SLC49A4: variants seen among roughly 807,000 people sequenced by gnomAD.
SLC49A4 encodes the protein solute carrier family 49 member 4, also known as disrupted in renal cancer protein 2.
In SLC49A4, 36 loss-of-function variants were observed where a neutral mutation model predicts 50.6. The observed-to-expected ratio is 0.71, with a 90% confidence interval of 0.55 to 0.94. SLC49A4 has a LOEUF of 0.94. Ranked by LOEUF, SLC49A4 falls within the 40% of genes least tolerant of loss-of-function variation. SLC49A4 has a pLI of 0.00. For missense variants in SLC49A4, 503 were observed against 605.7 expected (o/e 0.83, Z 1.78); for synonymous variants, 248 against 241.2 (o/e 1.03, Z -0.26).
chr3:122,866,928 A>G (rs1356281185), intron 7 of SLC49A4, among the ~76,000 whole-genome samples: 1 of 152,146 alleles, frequency 6.6e-6, no homozygotes, highest in African/African-American at 2.4e-5. Flanking sequence ...GAGAAATATA[A>G]TTATCATCTT....
intron 3 of SLC49A4, among the ~76,000 whole-genome samples, chr3:122,830,893 C>T (rs1368799203): frequency 6.6e-6 from 1 of 152,090 alleles, no homozygotes; most frequent in Non-Finnish European, 1.5e-5. Context: ...TGATAAGGGA[C>T]TTATATTCAG....
chr3:122,874,407 G>A (rs1172027105), intron 8 of SLC49A4, among the ~76,000 whole-genome samples: 1 of 152,214 alleles, frequency 6.6e-6, no homozygotes, highest in East Asian at 1.9e-4. Flanking sequence ...GGCAGAGGGA[G>A]CAGAAGGAAC....
intron 4 of SLC49A4, 149 bp from the exon 5 acceptor site, chr3:122,845,614 T>G (rs1220623814): frequency 1.6e-5 from 6 of 386,570 alleles, no homozygotes; most frequent in Admixed American, 4.6e-5. Context: ...CACGTTTTTT[T>G]TTTTTTTTTT....
intron 2 of SLC49A4, among the ~76,000 whole-genome samples, chr3:122,819,873 T>C (rs1157908164): frequency 6.6e-6 from 1 of 152,084 alleles, no homozygotes. Flanking sequence ...AGAGTTTATT[T>C]TGATATGGCA....
At chr3:122,844,580 G>A (rs900180228) in intron 4 of SLC49A4, among the ~76,000 whole-genome samples, 2 of 152,034 alleles carry the variant, frequency 1.3e-5, no homozygotes, top group African/African-American at 4.8e-5. Flanking sequence ...TCAGGAGTTC[G>A]AGGCCAGCCT....
chr3:122,840,514 G>A (rs1936756645), intron 4 of SLC49A4, among the ~76,000 whole-genome samples: 1 of 152,044 alleles, frequency 6.6e-6, no homozygotes, highest in Non-Finnish European at 1.5e-5. Context: ...AGTAAAATTA[G>A]TTCTAAGAAA....
Position 122,833,438 on chromosome 3 carries a change from ATTAT to A in SLC49A4, c.827_830del (p.Leu276Ter). ...TGAGTTATCGGAGAAGCGTTTGTAG[ATTAT>A]TAAGGTAAATATACTGAGAGTCACT... On this transcript the variant is annotated frameshift_variant, in exon 4 of 9. Transcript: ENST00000261038. LOFTEE classifies it high-confidence loss of function. The A allele has an allele frequency of 6.2e-7, 1 of 1,613,294 alleles. No individual in the cohort carries two copies. The highest frequency in any genetic ancestry group is 2.2e-5 in the East Asian group (1 of 44,858).
At chr3:122,850,309 C>G (rs1936908990) in intron 5 of SLC49A4, among the ~76,000 whole-genome samples, 1 of 152,140 alleles carries the variant, frequency 6.6e-6, no homozygotes, top group South Asian at 2.1e-4. Flanking sequence ...AATACCACTA[C>G]TAAAAACAGA....
chr3:122,812,650 T>C (rs1936315069), intron 2 of SLC49A4, among the ~76,000 whole-genome samples: 1 of 152,232 alleles, frequency 6.6e-6, no homozygotes, highest in Non-Finnish European at 1.5e-5. Flanking sequence ...CCTAGTCTTA[T>C]ACTCATTTAA....
chr3:122,847,588 G>A lies in SLC49A4; in HGVS notation c.942+1717G>A, dbSNP rs567352614. Among the ~76,000 whole-genome samples the A allele has an allele frequency of 1.5e-4, 23 of 151,696 alleles. 1 individual carries two copies. The East Asian group carries it at 3.1e-3, about 20-fold the overall frequency. ...TCTCAATCTCCTGACCTCGTGATCC[G>A]CCCACCTAAGCCTCCCAAAGTGCTG... On this transcript the variant is annotated intron_variant, in intron 5 of 8. Transcript: ENST00000261038.
chr3:122,859,068 A>G (rs938534042), intron 6 of SLC49A4, among the ~76,000 whole-genome samples: 1 of 152,240 alleles, frequency 6.6e-6, no homozygotes, highest in Non-Finnish European at 1.5e-5. Context: ...TGCAAAAACA[A>G]GAGTTTCCAA....
chr3:122,815,418 T>C (rs1936351362), intron 2 of SLC49A4, among the ~76,000 whole-genome samples: 1 of 152,216 alleles, frequency 6.6e-6, no homozygotes, highest in Non-Finnish European at 1.5e-5. Flanking sequence ...CATATCCCAT[T>C]GGTTGCAGAC....
chr3:122,850,439 G>T (rs764545076), intron 5 of SLC49A4, among the ~76,000 whole-genome samples: 22 of 152,050 alleles, frequency 1.4e-4, no homozygotes, highest in Non-Finnish European at 2.9e-4. Flanking sequence ...TGCTGCAGCT[G>T]CAAAAGCACC....
At chr3:122,855,935 T>G (rs1936983733) in intron 5 of SLC49A4, among the ~76,000 whole-genome samples, 1 of 152,190 alleles carries the variant, frequency 6.6e-6, no homozygotes, top group African/African-American at 2.4e-5. Context: ...CCTGATACAT[T>G]TTTAGTTGTT....
chr3:122,823,130 C>A (rs1936476857), intron 2 of SLC49A4, among the ~76,000 whole-genome samples: 1 of 152,186 alleles, frequency 6.6e-6, no homozygotes, highest in Non-Finnish European at 1.5e-5. Flanking sequence ...CTGCCCTCTA[C>A]CCTCTAGTCT....
intron 1 of SLC49A4, among the ~76,000 whole-genome samples, chr3:122,797,518 A>G (rs1268156491): frequency 1.3e-5 from 2 of 152,234 alleles, no homozygotes; most frequent in African/African-American, 4.8e-5. Flanking sequence ...AGAACCTTCT[A>G]ACAAAGATAC....
chr3:122,799,071 T>G (rs1319290810), intron 1 of SLC49A4, among the ~76,000 whole-genome samples: 1 of 152,056 alleles, frequency 6.6e-6, no homozygotes, highest in Non-Finnish European at 1.5e-5. Context: ...AGACCAAGTG[T>G]GCCCTCGAAG....
intron 5 of SLC49A4, among the ~76,000 whole-genome samples, chr3:122,853,623 G>A (rs1000805540): frequency 5.3e-5 from 8 of 152,126 alleles, no homozygotes; most frequent in African/African-American, 1.7e-4. Flanking sequence ...AGCTGGGCGC[G>A]GTAGCACACG....
intron 4 of SLC49A4, among the ~76,000 whole-genome samples, chr3:122,840,110 G>A (rs1275496179): frequency 1.3e-5 from 2 of 152,180 alleles, no homozygotes; most frequent in Admixed American, 6.5e-5. Context: ...GCTGGAAGCC[G>A]TTATTCTAAG....
Sources: gnomAD v4.1 joint callset for allele counts (sites outside exome capture counted in the v4.1 genomes callset) on GRCh38, gnomAD v4.1.1 for gene constraint, MANE v1.5 for transcripts, NCBI Gene and HGNC (gene_info 2026-07-23, HGNC 2026-07-21) for gene names.